DRC11: variants seen among roughly 807,000 people sequenced by gnomAD.
DRC11 encodes the protein IQ and AAA domain-containing protein 1.
the DRC11 span, among the ~76,000 whole-genome samples, chr2:236,364,693 G>A: frequency 6.6e-6 from 1 of 152,146 alleles, no homozygotes; most frequent in East Asian, 1.9e-4. Context: ...AGCAGATATT[G>A]GGCACAAAGC....
the DRC11 span, among the ~76,000 whole-genome samples, chr2:236,335,064 C>T: frequency 6.6e-6 from 1 of 152,164 alleles, no homozygotes; most frequent in Non-Finnish European, 1.5e-5. This position sits in a 1 kb window ranked among gnomAD's most constrained non-coding sequence, Gnocchi z 5.6. Flanking sequence ...GTTTCCTCTA[C>T]AAATCCACCC....
the DRC11 span, among the ~76,000 whole-genome samples, chr2:236,468,923 T>C: frequency 2.0e-5 from 3 of 152,222 alleles, no homozygotes; most frequent in Non-Finnish European, 4.4e-5. Context: ...TATTTGAAGA[T>C]TTCCTTCATA....
At chr2:236,309,990 G>C in the DRC11 span, among the ~76,000 whole-genome samples, 1 of 152,220 alleles carries the variant, frequency 6.6e-6, no homozygotes, top group Non-Finnish European at 1.5e-5. This position sits in a 1 kb window ranked among gnomAD's most constrained non-coding sequence, Gnocchi z 5.7. Context: ...CAAGCTCTCT[G>C]GTGCTGCCTG....
At chr2:236,447,012 T>G in the DRC11 span, among the ~76,000 whole-genome samples, 12 of 151,550 alleles carry the variant, frequency 7.9e-5, no homozygotes, top group Non-Finnish European at 1.8e-4. The surrounding 1 kb of genome is among the most constrained non-coding windows in gnomAD (Gnocchi z 4.6). Flanking sequence ...CCCGTAGATC[T>G]GCAGGATGCT....
the DRC11 span, among the ~76,000 whole-genome samples, chr2:236,498,147 T>C: frequency 6.6e-6 from 1 of 151,592 alleles, no homozygotes; most frequent in Admixed American, 6.6e-5. Flanking sequence ...TGATGTACAG[T>C]GTGAGAAATG....
the DRC11 span, among the ~76,000 whole-genome samples, chr2:236,399,115 G>A: frequency 5.5e-4 from 84 of 151,892 alleles, no homozygotes; most frequent in Non-Finnish European, 9.9e-4. The surrounding 1 kb of genome is among the most constrained non-coding windows in gnomAD (Gnocchi z 7.0). Context: ...TCAGCCTCCC[G>A]AGTAGCTGGG....
At chr2:236,397,621 T>C in the DRC11 span, among the ~76,000 whole-genome samples, 3 of 152,394 alleles carry the variant, frequency 2.0e-5, no homozygotes, top group East Asian at 5.8e-4. This position sits in a 1 kb window ranked among gnomAD's most constrained non-coding sequence, Gnocchi z 5.0. Flanking sequence ...TATAGGTACA[T>C]GCAGTACCAA....
chr2:236,348,322 G>A, the DRC11 span, among the ~76,000 whole-genome samples: 2 of 152,208 alleles, frequency 1.3e-5, no homozygotes, highest in Admixed American at 6.5e-5. This position sits in a 1 kb window ranked among gnomAD's most constrained non-coding sequence, Gnocchi z 7.4. Context: ...AATGGAGCTC[G>A]ACGCTGTACA....
At chr2:236,364,485 A>C in the DRC11 span, among the ~76,000 whole-genome samples, 1 of 152,152 alleles carries the variant, frequency 6.6e-6, no homozygotes, top group Non-Finnish European at 1.5e-5. Context: ...AGGCAGCAGC[A>C]GCCTGAACTT....
the DRC11 span, among the ~76,000 whole-genome samples, chr2:236,309,929 C>T: frequency 7.2e-5 from 11 of 152,324 alleles, no homozygotes; most frequent in South Asian, 6.2e-4. This position sits in a 1 kb window ranked among gnomAD's most constrained non-coding sequence, Gnocchi z 5.7. Flanking sequence ...CCTTGGCCAC[C>T]GGAGGAGCAA....
the DRC11 span, among the ~76,000 whole-genome samples, chr2:236,358,022 TA>T: frequency 8.7e-5 from 7 of 80,014 alleles, no homozygotes; most frequent in South Asian, 3.5e-4. Flanking sequence ...TATATAGATA[TA>T]ATATGAATAT....
At chr2:236,424,838 A>G in the DRC11 span, among the ~76,000 whole-genome samples, 1 of 151,924 alleles carries the variant, frequency 6.6e-6, no homozygotes, top group Non-Finnish European at 1.5e-5. Context: ...ACCCTTGGTA[A>G]TCACTATTCT....
the DRC11 span, among the ~76,000 whole-genome samples, chr2:236,330,048 AAGG>A: frequency 6.6e-6 from 1 of 152,236 alleles, no homozygotes; most frequent in African/African-American, 2.4e-5. This position sits in a 1 kb window ranked among gnomAD's most constrained non-coding sequence, Gnocchi z 5.5. Flanking sequence ...ATATTTTAGA[AAGG>A]AGAAAAAATG....
the DRC11 span, among the ~76,000 whole-genome samples, chr2:236,425,815 G>A: frequency 6.6e-6 from 1 of 152,044 alleles, no homozygotes; most frequent in East Asian, 1.9e-4. Context: ...TGTGTATATG[G>A]TGTGAGATAA....
chr2:236,487,006 C>G, the DRC11 span: 1 of 795,082 alleles, frequency 1.3e-6, no homozygotes, highest in East Asian at 2.7e-5. Context: ...CCAACTAATC[C>G]TAAGCTCTAG....
the DRC11 span, among the ~76,000 whole-genome samples, chr2:236,382,977 T>C: frequency 2.0e-5 from 3 of 152,182 alleles, no homozygotes. Context: ...TTACATCAAG[T>C]ATGGGACATT....
chr2:236,343,753 G>T, the DRC11 span: 3 of 1,303,934 alleles, frequency 2.3e-6, no homozygotes, highest in African/African-American at 1.5e-5. The surrounding 1 kb of genome is among the most constrained non-coding windows in gnomAD (Gnocchi z 6.6). Context: ...TTCGCCAGCA[G>T]AGGGAGTGAA....
chr2:236,457,699 C>T, the DRC11 span, among the ~76,000 whole-genome samples: 8 of 152,242 alleles, frequency 5.3e-5, no homozygotes, highest in African/African-American at 7.2e-5. The surrounding 1 kb of genome is among the most constrained non-coding windows in gnomAD (Gnocchi z 4.7). Flanking sequence ...GGAGATTAGA[C>T]GCACATAGAA....
the DRC11 span, among the ~76,000 whole-genome samples, chr2:236,503,337 A>C: frequency 1.3e-5 from 2 of 152,220 alleles, no homozygotes; most frequent in Non-Finnish European, 2.9e-5. The surrounding 1 kb of genome is among the most constrained non-coding windows in gnomAD (Gnocchi z 4.9). Context: ...GGATGTCTAG[A>C]CCTGCTGTGG....
Sources: allele counts gnomAD v4.1 joint callset (sites outside exome capture counted in the v4.1 genomes callset), GRCh38; gene constraint gnomAD v4.1.1; non-coding constraint Gnocchi (gnomAD v3.1); transcripts MANE v1.5; gene names NCBI Gene and HGNC (gene_info 2026-07-23, HGNC 2026-07-21).